RGS5: variants seen among roughly 807,000 people sequenced by gnomAD.
RGS5 encodes regulator of G-protein signalling 5.
Under a neutral mutation model 18.9 loss-of-function variants are expected in RGS5, and 20 were observed. The observed-to-expected ratio is 1.06, with a 90% CI of 0.74 to 1.54. The LOEUF (loss-of-function observed/expected upper bound fraction) is 1.54, where lower values mean the gene tolerates loss of function less well. Ranked by LOEUF, RGS5 falls within the 40% of genes most tolerant of loss-of-function variation. The pLI, the probability that RGS5 is intolerant of heterozygous loss-of-function variation, is 0.00. For synonymous variants in RGS5, 57 were observed against 76.2 expected (o/e 0.75, Z 1.31); for missense variants, 201 against 211.8 (o/e 0.95, Z 0.32).
chr1:163,147,132 G>A lies in RGS5; in HGVS notation c.*210C>T, dbSNP rs1353528919. On this transcript the variant is annotated 3_prime_UTR_variant, in exon 5 of 5. Transcript: ENST00000313961. Reference sequence around the variant, plus strand: ...GATATCTTAATTAATAACAGGGCAGGAAGAATTGAGTGGGGAAAGAAGGCC... The same window carrying A: ...GATATCTTAATTAATAACAGGGCAGAAAGAATTGAGTGGGGAAAGAAGGCC... 3 of 401,744 alleles carry A rather than the reference G, an allele frequency of 7.5e-6. No homozygotes were observed. The highest frequency in any genetic ancestry group is 1.3e-5 in the Non-Finnish European group (3 of 229,526). 24.9% of individuals were successfully genotyped at this position (401,744 alleles called of 1,614,324 possible). A position where few individuals can be genotyped will look rare whatever the true frequency, so the allele number is the denominator to read the frequency against.
chr1:163,272,021 CCT>C (rs1264253377), intron 2 of RGS5, among the ~76,000 whole-genome samples: 4 of 151,600 alleles, frequency 2.6e-5, no homozygotes, highest in African/African-American at 4.8e-5. Flanking sequence ...TTCCTTCCTT[CCT>C]CTCTCTCTGT....
intron 1 of RGS5, among the ~76,000 whole-genome samples, chr1:163,316,077 T>C (rs541125086): frequency 1.3e-5 from 2 of 152,342 alleles, no homozygotes; most frequent in Non-Finnish European, 2.9e-5. Context: ...CAACCATTTA[T>C]ATAAAATTAT....
At chr1:163,152,791 G>A in intron 3 of RGS5, 75 bp from the exon 4 acceptor site, 2 of 1,386,916 alleles carry the variant, frequency 1.4e-6, no homozygotes, top group Non-Finnish European at 1.9e-6. Context: ...GAGAGAAAGG[G>A]AAAGGGCTTA....
At position 163,146,069 on chromosome 1, in the gene RGS5, T is replaced by G. The variant is rs1342092782; in HGVS notation, c.*1273A>C. 1 of 152,196 alleles carries G rather than the reference T, an allele frequency of 6.6e-6. No individual in the cohort carries two copies. Among genetic ancestry groups the G allele is most frequent in the Non-Finnish European group, 1.5e-5 (1 of 68,026 alleles). The allele number at this position is 152,196 out of a possible 1,614,324, so 9.4% of individuals were successfully genotyped here. ...TTAGAAAAAATTCTAGCAAGACTTA[T>G]AATCATGAAATACAGAATTAAAAGT... On this transcript the variant is annotated 3_prime_UTR_variant, in exon 5 of 5. Coordinates refer to ENST00000313961, the MANE Select transcript of RGS5 (RefSeq NM_003617.4).
At chr1:163,237,168 T>C (rs936547098) in intron 2 of RGS5, 1 of 152,550 alleles carries the variant, frequency 6.6e-6, no homozygotes, top group East Asian at 1.9e-4. Context: ...GAAACATGGA[T>C]GCGGCATCGG....
At chr1:163,314,580 T>A (rs1649965625) in intron 1 of RGS5, among the ~76,000 whole-genome samples, 1 of 152,010 alleles carries the variant, frequency 6.6e-6, no homozygotes, top group African/African-American at 2.4e-5. Flanking sequence ...AACCTACTTA[T>A]CCCCAAATTT....
intron 2 of RGS5, among the ~76,000 whole-genome samples, chr1:163,247,605 T>A (rs950987726): frequency 6.6e-6 from 1 of 151,164 alleles, no homozygotes; most frequent in African/African-American, 2.4e-5. Flanking sequence ...TATATATGTA[T>A]ACGTATGACA....
chr1:163,268,538 G>C (rs764344962), intron 2 of RGS5, among the ~76,000 whole-genome samples: 13 of 151,964 alleles, frequency 8.6e-5, no homozygotes, highest in Non-Finnish European at 1.8e-4. Flanking sequence ...ATGTGCCTTG[G>C]ATATTTAAAC....
chr1:163,250,612 T>G (rs1040539427), intron 2 of RGS5, among the ~76,000 whole-genome samples: 2 of 152,344 alleles, frequency 1.3e-5, no homozygotes, highest in Middle Eastern at 3.4e-3. Context: ...CTTTCAAGAT[T>G]TGGCCTTCAG....
At chr1:163,174,777 G>C (rs1421194980) in intron 1 of RGS5, among the ~76,000 whole-genome samples, 1 of 152,178 alleles carries the variant, frequency 6.6e-6, no homozygotes, top group African/African-American at 2.4e-5. Flanking sequence ...CTGGGGCATA[G>C]GCTATTCCTG....
Position 163,302,002 on chromosome 1 carries a change from G to GTTTTT in RGS5, c.-281+4226_-281+4230dup, listed in dbSNP as rs35908469. Reference sequence around the variant, plus strand: ...AAATATTGGCTTCTTAATTTTTCCTGTTTTTTTTTTTTTAGTTCAGATAGA... The same window carrying GTTTTT: ...AAATATTGGCTTCTTAATTTTTCCTGTTTTTTTTTTTTTTTTTTAGTTCAGATAGA... On this transcript the variant is annotated intron_variant, in intron 2 of 5. Coordinates refer to the RGS5 transcript ENST00000618415. Among the ~76,000 whole-genome samples the GTTTTT allele has an allele frequency of 3.4e-3, 472 of 139,482 alleles. 2 individuals are homozygous for GTTTTT. The highest frequency in any genetic ancestry group is 0.011 in the Middle Eastern group (3 of 274). The allele number at this position is 139,482 out of a possible 152,430, so 91.5% of individuals were successfully genotyped here.
intron 3 of RGS5, among the ~76,000 whole-genome samples, chr1:163,157,141 C>T (rs894594198): frequency 1.3e-5 from 2 of 152,072 alleles, no homozygotes; most frequent in Non-Finnish European, 1.5e-5. Flanking sequence ...GATGCTCTGG[C>T]CTTCTGAAAC....
intron 1 of RGS5, among the ~76,000 whole-genome samples, chr1:163,186,640 T>C (rs1659099795): frequency 6.8e-6 from 1 of 146,912 alleles, no homozygotes; most frequent in Non-Finnish European, 1.5e-5. Context: ...AAATTATGAA[T>C]ATATGACCAA....
chr1:163,304,585 G>A (rs550661250), intron 2 of RGS5: 2 of 152,322 alleles, frequency 1.3e-5, no homozygotes, highest in South Asian at 4.1e-4. Flanking sequence ...CAACCTTCTA[G>A]TAAAGTACTT....
At chr1:163,181,743 A>G (rs939614972) in intron 1 of RGS5, among the ~76,000 whole-genome samples, 8 of 152,066 alleles carry the variant, frequency 5.3e-5, no homozygotes, top group Admixed American at 3.3e-4. Flanking sequence ...AAGGAAGACC[A>G]AGGAAGGTTA....
chr1:163,160,316 G>A (rs1437366568), intron 3 of RGS5, among the ~76,000 whole-genome samples: 1 of 152,100 alleles, frequency 6.6e-6, no homozygotes, highest in Non-Finnish European at 1.5e-5. Flanking sequence ...TTTATCAATA[G>A]GTCATCTGTC....
chr1:163,189,210 G>A (rs570122505), intron 1 of RGS5, among the ~76,000 whole-genome samples: 7 of 152,248 alleles, frequency 4.6e-5, no homozygotes, highest in South Asian at 2.1e-4. Context: ...TAATCTTACC[G>A]TGGCAAAATT....
In RGS5 at chr1:163,303,173, T is replaced by G. The variant is rs149494104; in HGVS notation, c.-281+3060A>C. 5.8e-3 allele frequency among the ~76,000 whole-genome samples: 886 copies of G among 152,330 alleles called. 9 individuals are homozygous for G. Among genetic ancestry groups the G allele is most frequent in the African/African-American group, 0.02 (839 of 41,582 alleles). ...ACATATTCAAATATTATATGAAACA[T>G]ACTTACATTAAAAAATCTTCATTCT... On this transcript the variant is annotated intron_variant, in intron 2 of 5. Coordinates refer to the RGS5 transcript ENST00000618415.
intron 2 of RGS5, among the ~76,000 whole-genome samples, chr1:163,286,492 T>A (rs1021315530): frequency 6.6e-6 from 1 of 152,160 alleles, no homozygotes; most frequent in Non-Finnish European, 1.5e-5. Flanking sequence ...TCCTATTTTA[T>A]CTTTTTCTTA....
Sources: allele counts gnomAD v4.1 joint callset (sites outside exome capture counted in the v4.1 genomes callset), GRCh38; gene constraint gnomAD v4.1.1; transcripts MANE v1.5; gene names NCBI Gene and HGNC (gene_info 2026-07-23, HGNC 2026-07-21).